Variants in CPED1 observed in about 807,000 individuals in gnomAD.
The protein encoded by CPED1 is cadherin-like and PC-esterase domain-containing protein 1.
In CPED1, 114 loss-of-function variants were observed where a neutral mutation model predicts 128.2. The observed-to-expected ratio is 0.89, with a 90% confidence interval of 0.76 to 1.04. The LOEUF (loss-of-function observed/expected upper bound fraction) is 1.04, where lower values mean the gene tolerates loss of function less well. Ranked by LOEUF, CPED1 falls within the 50% of genes least tolerant of loss-of-function variation. CPED1 has a pLI of 0.00. For missense variants in CPED1, 1,211 were observed against 1,207.1 expected, an observed-to-expected ratio of 1.00 and a Z score of -0.05; for synonymous variants, 462 against 426.7, an observed-to-expected ratio of 1.08 and a Z score of -1.02.
intron 16 of CPED1, among the ~76,000 whole-genome samples, chr7:121,154,126 A>T (rs1796225738): frequency 6.6e-6 from 1 of 152,250 alleles, no homozygotes; most frequent in African/African-American, 2.4e-5. Flanking sequence ...TGCTACTGTA[A>T]TAATTTTGTA....
chr7:121,167,760 C>T (rs1796565913), intron 16 of CPED1, among the ~76,000 whole-genome samples: 1 of 125,676 alleles, frequency 8.0e-6, no homozygotes, highest in Non-Finnish European at 1.6e-5. Context: ...GAGATGGAGT[C>T]TCGCTCTGTT....
chr7:121,215,529 C>T (rs549958400), intron 16 of CPED1, among the ~76,000 whole-genome samples: 18 of 152,028 alleles, frequency 1.2e-4, no homozygotes, highest in Admixed American at 2.6e-4. Context: ...TGCACAGTAA[C>T]TGTGATTTGA....
chr7:121,289,078 C>G (rs1228680510), intron 22 of CPED1, among the ~76,000 whole-genome samples: 2 of 152,018 alleles, frequency 1.3e-5, no homozygotes, highest in Admixed American at 1.3e-4. Flanking sequence ...AAAATTTTGA[C>G]CCTGGGACCT....
At chr7:121,164,229 A>G (rs1299909871) in intron 16 of CPED1, among the ~76,000 whole-genome samples, 1 of 152,200 alleles carries the variant, frequency 6.6e-6, no homozygotes, top group Non-Finnish European at 1.5e-5. Flanking sequence ...GTGGATTTGG[A>G]GGATTATATC....
intron 6 of CPED1, among the ~76,000 whole-genome samples, chr7:121,098,346 C>T (rs1794752003): frequency 6.6e-6 from 1 of 151,986 alleles, no homozygotes; most frequent in Non-Finnish European, 1.5e-5. Flanking sequence ...ATAAGTTTGC[C>T]TCATCTAATT....
intron 4 of CPED1, among the ~76,000 whole-genome samples, chr7:121,057,282 A>T (rs6965415): frequency 0.74 from 111,904 of 152,062 alleles, 41,787 homozygotes; most frequent in Admixed American, 0.84. Context: ...CCAGCCTCTA[A>T]TTTTTATAAT....
intron 13 of CPED1, 64 bp downstream of exon 13, chr7:121,133,957 C>A: frequency 5.4e-6 from 5 of 919,404 alleles, no homozygotes; most frequent in South Asian, 3.2e-5. Context: ...CAAAAAAATG[C>A]AAAACTATTT....
chr7:121,093,166 C>T (rs1794612950), intron 5 of CPED1, among the ~76,000 whole-genome samples: 1 of 152,130 alleles, frequency 6.6e-6, no homozygotes, highest in African/African-American at 2.4e-5. Flanking sequence ...GACACTGGAA[C>T]TGTTTTTCAC....
chr7:121,240,057 A>C (rs1200239641), intron 17 of CPED1, among the ~76,000 whole-genome samples: 1 of 152,210 alleles, frequency 6.6e-6, no homozygotes, highest in Non-Finnish European at 1.5e-5. Context: ...ACTCACAATA[A>C]ATAAAAGGAA....
chr7:121,121,542 C>T (rs1403296631), intron 7 of CPED1, among the ~76,000 whole-genome samples: 1 of 152,048 alleles, frequency 6.6e-6, no homozygotes, highest in Non-Finnish European at 1.5e-5. Flanking sequence ...ACAAGATGTT[C>T]TTTTATTCAT....
intron 7 of CPED1, among the ~76,000 whole-genome samples, chr7:121,107,008 A>AT (rs928995811): frequency 6.6e-6 from 1 of 152,070 alleles, no homozygotes; most frequent in Admixed American, 6.6e-5. Flanking sequence ...CACCATCTTA[A>AT]TTTTTTAGTT....
intron 3 of CPED1, among the ~76,000 whole-genome samples, chr7:121,035,146 G>C (rs1389748320): frequency 6.6e-6 from 1 of 152,162 alleles, no homozygotes; most frequent in African/African-American, 2.4e-5. Flanking sequence ...TTGTGGTAGG[G>C]AGGGGCTACT....
intron 18 of CPED1, among the ~76,000 whole-genome samples, chr7:121,258,748 T>C (rs1407831440): frequency 1.3e-5 from 2 of 152,088 alleles, no homozygotes; most frequent in Middle Eastern, 3.2e-3. Flanking sequence ...CGTACCTAAA[T>C]ACACAGTTTT....
chr7:121,256,135 A>AAAAAAAAAAAAAAAAAAAC (rs1562852781), intron 18 of CPED1, among the ~76,000 whole-genome samples: 3 of 148,882 alleles, frequency 2.0e-5, no homozygotes, highest in African/African-American at 7.5e-5. Context: ...AAAACAAAAA[A>AAAAAAAAAAAAAAAAAAAC]AAAAAACAAA....
At chr7:121,119,813 A>T (rs1240622832) in intron 7 of CPED1, among the ~76,000 whole-genome samples, 1 of 152,038 alleles carries the variant, frequency 6.6e-6, no homozygotes, top group Non-Finnish European at 1.5e-5. Context: ...CCCAGTAAAC[A>T]TGTCCCCATT....
intron 3 of CPED1, among the ~76,000 whole-genome samples, chr7:121,017,869 G>A (rs1247050151): frequency 1.3e-5 from 2 of 152,072 alleles, no homozygotes; most frequent in Admixed American, 1.3e-4. Context: ...TGGGCCCAGC[G>A]GCATAAGATA....
At chr7:121,157,828 T>A (rs1405835317) in intron 16 of CPED1, among the ~76,000 whole-genome samples, 5 of 152,052 alleles carry the variant, frequency 3.3e-5, no homozygotes, top group African/African-American at 1.2e-4. Context: ...ATGAATAAAA[T>A]GAGTAAAATG....
rs540851203 is a variant in CPED1 at position 121,061,291 on chromosome 7, TATC to T, written c.541-2944_541-2942del. On this transcript the variant is annotated intron_variant, in intron 4 of 22. Transcript: ENST00000310396. ...AAATATCCTAGGGTTTAAATATTATTATCATTTTATCAGTGCATTGTAATTCTT... is the reference window on the plus strand; with the variant it reads ...AAATATCCTAGGGTTTAAATATTATTATTTTATCAGTGCATTGTAATTCTT... 101 of 531,870 alleles carry T rather than the reference TATC, an allele frequency of 1.9e-4. 1 individual carries two copies. In the African/African-American group the frequency reaches 1.9e-3, roughly 10 times the overall value. 32.9% of individuals were successfully genotyped at this position (531,870 alleles called of 1,614,324 possible).
At chr7:121,098,745 A>ATATAAAT (rs1563024757) in intron 6 of CPED1, among the ~76,000 whole-genome samples, 1 of 33,960 alleles carries the variant, frequency 2.9e-5, no homozygotes, top group African/African-American at 6.2e-5. Context: ...TATATATATA[A>ATATAAAT]AAATATATAA....
Sources: allele counts gnomAD v4.1 joint callset (sites outside exome capture counted in the v4.1 genomes callset), GRCh38; gene constraint gnomAD v4.1.1; transcripts MANE v1.5; gene names NCBI Gene and HGNC (gene_info 2026-07-23, HGNC 2026-07-21).